The following ABL2 variants were observed in gnomAD, a reference collection of about 807,000 sequenced individuals.
ABL2 encodes tyrosine-protein kinase ABL2.
Under a neutral mutation model 107.7 loss-of-function variants are expected in ABL2, and 49 were observed. The ratio of observed to expected loss-of-function variants is 0.45; its 90% CI spans 0.36 to 0.58. The LOEUF (loss-of-function observed/expected upper bound fraction) is 0.58, where lower values mean the gene tolerates loss of function less well. Ranked by LOEUF, ABL2 falls within the 20% of genes least tolerant of loss-of-function variation. The pLI, the probability that ABL2 is intolerant of heterozygous loss-of-function variation, is 0.00. For synonymous variants in ABL2, 549 were observed against 548.6 expected (o/e 1.00, Z -0.01); for missense variants, 1,245 against 1,457.0 (o/e 0.85, Z 2.37).
intron 1 of ABL2, chr1:179,183,866 GC>G: frequency 4.6e-6 from 1 of 216,230 alleles, no homozygotes; most frequent in South Asian, 7.6e-5. Flanking sequence ...TAGTCTCCAC[GC>G]CCACCTCAAA....
At chr1:179,193,756 G>T (rs1260833730) in intron 1 of ABL2, among the ~76,000 whole-genome samples, 2 of 151,880 alleles carry the variant, frequency 1.3e-5, no homozygotes, top group Admixed American at 1.3e-4. Flanking sequence ...TTTGGAGACG[G>T]AGTCTCGCTC....
chr1:179,125,452 T>C (rs1467487231), intron 4 of ABL2, among the ~76,000 whole-genome samples: 2 of 152,228 alleles, frequency 1.3e-5, no homozygotes, highest in Admixed American at 1.3e-4. Flanking sequence ...CTGGCACACA[T>C]ATGCACTCAT....
intron 1 of ABL2, among the ~76,000 whole-genome samples, chr1:179,227,294 C>A (rs1663269945): frequency 6.6e-6 from 1 of 152,194 alleles, no homozygotes; most frequent in South Asian, 2.1e-4. Flanking sequence ...GGAGCCAGAA[C>A]CAGAACTTGA....
chr1:179,132,842 G>C (rs1483737201), intron 2 of ABL2, among the ~76,000 whole-genome samples: 2 of 137,588 alleles, frequency 1.5e-5, no homozygotes, highest in Non-Finnish European at 3.1e-5. Flanking sequence ...ACACCCGGCT[G>C]ACTTATTCCC....
chr1:179,123,684 C>T (rs759587906), intron 4 of ABL2, among the ~76,000 whole-genome samples: 1 of 152,142 alleles, frequency 6.6e-6, no homozygotes, highest in Non-Finnish European at 1.5e-5. Flanking sequence ...GCCTGGAGTG[C>T]AGTGACACAA....
intron 4 of ABL2, among the ~76,000 whole-genome samples, chr1:179,123,954 G>A (rs899472468): frequency 1.3e-5 from 2 of 151,724 alleles, no homozygotes; most frequent in Non-Finnish European, 2.9e-5. Context: ...TTTTAAAGAC[G>A]CTTTTGGTCG....
chr1:179,171,737 C>T (rs896942627), intron 1 of ABL2, among the ~76,000 whole-genome samples: 6 of 152,224 alleles, frequency 3.9e-5, no homozygotes, highest in Middle Eastern at 3.4e-3. Context: ...TTGTCCAAAC[C>T]CTTTGCCTCA....
In ABL2 at chr1:179,118,519, C is replaced by T. The variant is rs1654873922; in HGVS notation, c.1223+68G>A. 4.7e-6 allele frequency: 7 copies of T among 1,502,644 alleles called. No homozygotes were observed. The Admixed American group carries it at 8.1e-5, about 17-fold the overall frequency. The allele number at this position is 1,502,644 out of a possible 1,614,324, so 93.1% of individuals were successfully genotyped here. Reference sequence around the variant, plus strand: ...CTGAAATTTTCTGGGAAGGTTCTCACATTCTTCCTTTTATCTGCATGTCAA... The same window carrying T: ...CTGAAATTTTCTGGGAAGGTTCTCATATTCTTCCTTTTATCTGCATGTCAA... On this transcript the variant is annotated intron_variant, in intron 7 of 11. Transcript: ENST00000502732.
At chr1:179,143,277 ATC>A (rs1222602549) in intron 1 of ABL2, among the ~76,000 whole-genome samples, 1 of 152,234 alleles carries the variant, frequency 6.6e-6, no homozygotes, top group African/African-American at 2.4e-5. Flanking sequence ...TTACTTCAAA[ATC>A]TCTGAGAACA....
At chr1:179,222,677 C>T (rs932951495) in intron 1 of ABL2, among the ~76,000 whole-genome samples, 4 of 152,106 alleles carry the variant, frequency 2.6e-5, no homozygotes, top group Admixed American at 1.3e-4. Context: ...GCATGAGCCA[C>T]CGCGCCTGGC....
chr1:179,135,061 G>A (rs1168600059), intron 1 of ABL2, among the ~76,000 whole-genome samples: 3 of 152,244 alleles, frequency 2.0e-5, no homozygotes, highest in South Asian at 2.1e-4. Context: ...GAGTGCAGTG[G>A]CGTGATCTCG....
intron 4 of ABL2, among the ~76,000 whole-genome samples, chr1:179,125,921 C>A (rs1261396195): frequency 2.0e-5 from 3 of 152,216 alleles, no homozygotes; most frequent in African/African-American, 7.2e-5. Context: ...AATATACAAA[C>A]TGTTCAATGA....
At chr1:179,187,937 T>C (rs938669725) in intron 1 of ABL2, among the ~76,000 whole-genome samples, 1 of 152,212 alleles carries the variant, frequency 6.6e-6, no homozygotes, top group Non-Finnish European at 1.5e-5. Flanking sequence ...TACTTCCTTA[T>C]GATATACAAA....
chr1:179,107,744 C>T lies in ABL2; in HGVS notation c.3523G>A (p.Glu1175Lys). The T allele has an allele frequency of 6.2e-7, 1 of 1,612,870 alleles. No individual in the cohort carries two copies. The highest frequency in any genetic ancestry group is 8.5e-7 in the Non-Finnish European group (1 of 1,179,216). The change falls in exon 12 of 12, where the codon GAA (glutamate) becomes AAA (lysine). Residue 1175 changes from glutamate (E) to lysine (K), a missense_variant. Physicochemically the swap from Glu to Lys is moderately conservative, Grantham distance 56. This residue lies in a region of ABL2 where 761 missense variants were observed against 766.4 expected (regional missense o/e 0.99). Coordinates refer to ENST00000502732, the MANE Select transcript of ABL2 (RefSeq NM_007314.4). Reference sequence around the variant, plus strand: ...TACCTCTGCACCACATCACTGATTTCCTGTACACATGACAATAAGTTATTA... The same window carrying T: ...TACCTCTGCACCACATCACTGATTTTCTGTACACATGACAATAAGTTATTA... ...VLNNLLSCVQ[E>K]ISDVVQR
intron 1 of ABL2, chr1:179,222,105 T>C (rs927505296): frequency 1.1e-4 from 20 of 181,038 alleles, no homozygotes; most frequent in Middle Eastern, 5.3e-4. Flanking sequence ...GATTATGCTA[T>C]GGAACATCAC....
intron 1 of ABL2, among the ~76,000 whole-genome samples, chr1:179,186,511 TG>T: frequency 6.6e-6 from 1 of 152,036 alleles, no homozygotes; most frequent in East Asian, 2.0e-4. Context: ...CCCAAATAGC[TG>T]GGATTACAGG....
rs1557897235 is a variant in ABL2 at position 179,102,847 on chromosome 1, A to G, written c.*4871T>C. ...ATTCAGCTATTCTTTTTAGAAAAAG[A>G]AAAAAAAGATGACAAATGTCAATGT... is the stretch of plus-strand genomic sequence containing the variant. On this transcript the variant is annotated 3_prime_UTR_variant, in exon 12 of 12. Coordinates refer to ENST00000502732, the MANE Select transcript of ABL2 (RefSeq NM_007314.4). The G allele has an allele frequency of 1.3e-5, 3 of 223,488 alleles. No individual in the cohort carries two copies. The East Asian group carries it at 1.9e-4, about 15-fold the overall frequency. 13.8% of individuals were successfully genotyped at this position (223,488 alleles called of 1,614,324 possible). A position where few individuals can be genotyped will look rare whatever the true frequency, so the allele number is the denominator to read the frequency against.
rs774754926 is a variant in ABL2 at position 179,108,364 on chromosome 1, G to A, written c.2903C>T (p.Ser968Phe). 15 of 1,614,118 alleles carry A rather than the reference G, an allele frequency of 9.3e-6. No individual in the cohort carries two copies. The highest frequency in any genetic ancestry group is 1.1e-5 in the Non-Finnish European group (13 of 1,180,046). ...FKLLSEHQVT[S>F]SGDKDRPRRV... ...TCGGGGTCGGTCCTTGTCTCCAGAG[G>A]ATGTGACCTGATGCTCAGATAAGAG... Residue 968 changes from serine (S) to phenylalanine (F), a missense_variant, in exon 12 of 12, where the codon TCC (serine) becomes TTC (phenylalanine). This residue lies in a region of ABL2 where 761 missense variants were observed against 766.4 expected (regional missense o/e 0.99). Coordinates refer to ENST00000502732, the MANE Select transcript of ABL2 (RefSeq NM_007314.4).
intron 1 of ABL2, among the ~76,000 whole-genome samples, chr1:179,168,714 A>C (rs2816190): frequency 0.5 from 76,013 of 151,864 alleles, 19,156 homozygotes; most frequent in Admixed American, 0.55. Context: ...TAGATACATG[A>C]CCCTCGTGCT....
Sources: allele counts gnomAD v4.1 joint callset (sites outside exome capture counted in the v4.1 genomes callset), GRCh38; gene constraint gnomAD v4.1.1; regional missense constraint gnomAD v4.1.1; transcripts MANE v1.5; gene names NCBI Gene and HGNC (gene_info 2026-07-23, HGNC 2026-07-21).